Variants in LRTM3 observed in about 807,000 individuals in gnomAD.
LRTM3 encodes the protein leucine rich repeat transmembrane protein 3, also known as leucine-rich repeat transmembrane protein 3.
At chr13:102,729,706 T>A in the LRTM3 span, 5 of 1,551,896 alleles carry the variant, frequency 3.2e-6, no homozygotes, top group East Asian at 7.3e-5. Flanking sequence ...CATGATGAGG[T>A]TTTGATGCTG....
chr13:102,748,711 T>G, the LRTM3 span: 1 of 1,549,870 alleles, frequency 6.5e-7, no homozygotes, highest in Admixed American at 2.0e-5. Flanking sequence ...CAATTCCCTT[T>G]GCTTGTGTAA....
the LRTM3 span, among the ~76,000 whole-genome samples, chr13:102,756,645 G>C: frequency 1.7e-5 from 2 of 118,210 alleles, no homozygotes; most frequent in Non-Finnish European, 3.2e-5. Flanking sequence ...TTGCTCTCCA[G>C]CCTGGGCAAA....
At chr13:102,744,666 G>T in the LRTM3 span, 1 of 1,550,794 alleles carries the variant, frequency 6.4e-7, no homozygotes, top group Non-Finnish European at 8.7e-7. Flanking sequence ...TCTTTCATTT[G>T]ATGTGTACTG....
At chr13:102,732,511 C>T in the LRTM3 span, 2 of 1,551,092 alleles carry the variant, frequency 1.3e-6, no homozygotes, top group Non-Finnish European at 8.7e-7. Context: ...AAAATGAATC[C>T]AGAACATTTC....
the LRTM3 span, chr13:102,743,359 G>A: frequency 5.8e-6 from 9 of 1,550,388 alleles, no homozygotes; most frequent in Admixed American, 7.9e-5. Context: ...CTGGAGTGAA[G>A]GAAGTTGTAT....
the LRTM3 span, chr13:102,749,182 A>C: frequency 6.4e-7 from 1 of 1,550,700 alleles, no homozygotes; most frequent in Non-Finnish European, 8.7e-7. Context: ...CTGTGATTTG[A>C]AATACTTGTG....
the LRTM3 span, chr13:102,747,403 G>C: frequency 1.5e-5 from 23 of 1,549,206 alleles, no homozygotes; most frequent in Middle Eastern, 3.3e-4. Flanking sequence ...GCATCAGTGA[G>C]ATTGCTGGCT....
chr13:102,745,340 G>C, the LRTM3 span: 14 of 1,550,522 alleles, frequency 9.0e-6, no homozygotes, highest in African/African-American at 1.9e-4. Context: ...TACTTGAGTA[G>C]AACTGAGTCT....
At chr13:102,737,639 T>G in the LRTM3 span, 2 of 1,550,856 alleles carry the variant, frequency 1.3e-6, no homozygotes, top group Non-Finnish European at 1.7e-6. Flanking sequence ...GTCTTCTGGA[T>G]GCATTAAGTC....
chr13:102,739,007 T>A, the LRTM3 span: 172 of 1,550,476 alleles, frequency 1.1e-4, 1 homozygote, highest in Middle Eastern at 1.8e-3. Flanking sequence ...CTGCTCACAT[T>A]TTTCCATTGT....
the LRTM3 span, chr13:102,742,213 C>T: frequency 1.9e-6 from 3 of 1,550,454 alleles, no homozygotes; most frequent in African/African-American, 4.1e-5. Context: ...TGTTACCTCT[C>T]AGTTCTTTTT....
the LRTM3 span, chr13:102,746,159 C>T: frequency 6.4e-6 from 10 of 1,551,112 alleles, no homozygotes; most frequent in East Asian, 4.9e-5. Context: ...GTGCTGCAAA[C>T]GTTGTCCATT....
chr13:102,737,825 T>C, the LRTM3 span: 1 of 1,550,968 alleles, frequency 6.4e-7, no homozygotes, highest in African/African-American at 1.4e-5. Flanking sequence ...TCCTTGTTGG[T>C]CTTCCTCTCC....
chr13:102,732,547 G>C, the LRTM3 span: 2 of 1,551,180 alleles, frequency 1.3e-6, no homozygotes, highest in South Asian at 2.4e-5. Context: ...GTAGTTGAAT[G>C]CTTTGTTTTG....
chr13:102,743,048 AG>A, the LRTM3 span: 50 of 1,550,080 alleles, frequency 3.2e-5, no homozygotes, highest in Non-Finnish European at 4.0e-5. Flanking sequence ...TTCTCCCAAA[AG>A]CACATCCTCT....
the LRTM3 span, chr13:102,748,499 T>A: frequency 1.3e-6 from 2 of 1,551,024 alleles, no homozygotes; most frequent in Non-Finnish European, 1.7e-6. Flanking sequence ...TGGTAACTCC[T>A]CTCCATTTGA....
chr13:102,751,388 C>T, the LRTM3 span, among the ~76,000 whole-genome samples: 1 of 140,422 alleles, frequency 7.1e-6, no homozygotes. Flanking sequence ...CACACACACA[C>T]ATATCCTACT....
the LRTM3 span, among the ~76,000 whole-genome samples, chr13:102,752,238 G>A: frequency 6.6e-6 from 1 of 152,164 alleles, no homozygotes; most frequent in Non-Finnish European, 1.5e-5. Flanking sequence ...TTTTGAACAT[G>A]AGTTCCATGG....
chr13:102,734,909 C>T, the LRTM3 span: 1 of 1,551,116 alleles, frequency 6.4e-7, no homozygotes, highest in Non-Finnish European at 8.7e-7. Flanking sequence ...CACATGTTTT[C>T]CTTTTTGTAG....
Sources: gnomAD v4.1 joint callset for allele counts (sites outside exome capture counted in the v4.1 genomes callset) on GRCh38, gnomAD v4.1.1 for gene constraint, MANE v1.5 for transcripts, NCBI Gene and HGNC (gene_info 2026-07-23, HGNC 2026-07-21) for gene names.